Variants in PIBF1 observed in about 807,000 individuals in gnomAD.
The protein encoded by PIBF1 is progesterone immunomodulatory binding factor 1.
PIBF1 carries 90 observed loss-of-function variants against 112.5 expected under a neutral mutation model. The ratio of observed to expected loss-of-function variants is 0.80; its 90% CI spans 0.67 to 0.95. PIBF1 has a LOEUF of 0.95. Among genes scored for constraint, PIBF1 ranks in the 40% least tolerant of loss-of-function variants. PIBF1 has a pLI of 0.00. For missense variants in PIBF1, 915 were observed against 852.3 expected (o/e 1.07, Z -0.92); for synonymous variants, 301 against 288.6 (o/e 1.04, Z -0.44).
At chr13:72,851,805 G>A (rs2038171250) in intron 9 of PIBF1, among the ~76,000 whole-genome samples, 1 of 152,192 alleles carries the variant, frequency 6.6e-6, no homozygotes, top group African/African-American at 2.4e-5. Context: ...CCCAGACTCT[G>A]GCAGACCTCT....
chr13:72,843,706 C>T lies in PIBF1; in HGVS notation c.1223+8338C>T, dbSNP rs375660166. ...GGGTTACAGGCATGAGCCACCGCGC[C>T]TGGCCTAATTTCTGATCTTTTACAG... On this transcript the variant is annotated intron_variant, in intron 9 of 17. Transcript: ENST00000326291. Among the ~76,000 whole-genome samples, 364 of 152,306 alleles carry T rather than the reference C, an allele frequency of 2.4e-3. 1 individual carries two copies. The highest frequency in any genetic ancestry group is 8.2e-3 in the African/African-American group (340 of 41,570).
At chr13:72,955,132 T>A (rs564173508) in intron 14 of PIBF1, among the ~76,000 whole-genome samples, 1 of 152,382 alleles carries the variant, frequency 6.6e-6, no homozygotes, top group Non-Finnish European at 1.5e-5. Context: ...ATTTTAATTA[T>A]GTTGGACATA....
intron 14 of PIBF1, among the ~76,000 whole-genome samples, chr13:72,960,204 A>T (rs2042568189): frequency 6.6e-6 from 1 of 152,166 alleles, no homozygotes; most frequent in Admixed American, 6.6e-5. Context: ...TTTATGTTAA[A>T]GATACCTTTT....
rs565304138 is a variant in PIBF1 at position 72,971,118 on chromosome 13, C to T, written c.1965-2473C>T. Among the ~76,000 whole-genome samples, 5 of 151,924 alleles carry T rather than the reference C, an allele frequency of 3.3e-5. No homozygotes were observed. In the East Asian group the frequency reaches 5.8e-4, roughly 18 times the overall value. Reference sequence around the variant, plus strand: ...TCCAGTCAAAATCCTTTAATTACCTCGACATTCCATTCCGATTACACTACA... The same window carrying T: ...TCCAGTCAAAATCCTTTAATTACCTTGACATTCCATTCCGATTACACTACA... On this transcript the variant is annotated intron_variant, in intron 15 of 17. Transcript: ENST00000326291.
At chr13:72,919,394 G>T (rs1218088494) in intron 13 of PIBF1, among the ~76,000 whole-genome samples, 3 of 152,166 alleles carry the variant, frequency 2.0e-5, no homozygotes, top group Non-Finnish European at 2.9e-5. Context: ...ATTCTGTCTG[G>T]TGAGGATTCA....
chr13:72,986,708 G>C lies in PIBF1; in HGVS notation c.2050-12114G>C, dbSNP rs935015583. Reference sequence around the variant, plus strand: ...TTTTTTTTTTTTTTTTTTTGAGACAGAGTCTCGCTCTGTCGCCCAGGCCGG... The same window carrying C: ...TTTTTTTTTTTTTTTTTTTGAGACACAGTCTCGCTCTGTCGCCCAGGCCGG... On this transcript the variant is annotated intron_variant, in intron 16 of 17. Transcript: ENST00000326291. Among the ~76,000 whole-genome samples the C allele has an allele frequency of 1.3e-3, 150 of 117,876 alleles. 1 individual carries two copies. Among genetic ancestry groups the C allele is most frequent in the Non-Finnish European group, 1.9e-3 (115 of 61,236 alleles). The allele number at this position is 117,876 out of a possible 152,430, so 77.3% of individuals were successfully genotyped here.
At chr13:72,826,424 T>C (rs1423252465) in intron 6 of PIBF1, among the ~76,000 whole-genome samples, 2 of 152,208 alleles carry the variant, frequency 1.3e-5, no homozygotes, top group South Asian at 2.1e-4. Flanking sequence ...TGCAGGGAAG[T>C]AGTTAAGAGT....
intron 10 of PIBF1, among the ~76,000 whole-genome samples, chr13:72,855,774 C>T (rs1011587467): frequency 2.0e-5 from 3 of 152,074 alleles, no homozygotes; most frequent in African/African-American, 4.8e-5. Context: ...TTACGTGTAA[C>T]GCTTCCACTT....
intron 10 of PIBF1, among the ~76,000 whole-genome samples, chr13:72,871,037 A>G (rs1288252642): frequency 2.6e-5 from 4 of 152,106 alleles, no homozygotes; most frequent in Non-Finnish European, 5.9e-5. Flanking sequence ...TGGTAATTCA[A>G]GATGCCCTGA....
At chr13:72,938,381 C>T (rs568513670) in intron 14 of PIBF1, among the ~76,000 whole-genome samples, 2 of 152,042 alleles carry the variant, frequency 1.3e-5, no homozygotes, top group Non-Finnish European at 2.9e-5. Flanking sequence ...CTCAGTCCCC[C>T]ACAAGCAATA....
Position 72,998,919 on chromosome 13 carries a change from A to G in PIBF1, c.2147A>G (p.Glu716Gly). ...AAAACAGAACCAAAACATGTGACAG[A>G]AAATCAGAAATCAAAGACTTTGAAT... is the stretch of plus-strand genomic sequence containing the variant. ...LTKTEPKHVT[E>G]NQKSKTLNVP... is the part of the protein sequence containing the mutation. The change falls in exon 17 of 18, where the codon GAA (glutamate) becomes GGA (glycine). Residue 716 changes from glutamate (E) to glycine (G), a missense_variant. Coordinates refer to ENST00000326291, the MANE Select transcript of PIBF1 (RefSeq NM_006346.4). 1 of 1,612,432 alleles carries G rather than the reference A, an allele frequency of 6.2e-7. No individual in the cohort carries two copies. Among genetic ancestry groups the G allele is most frequent in the Non-Finnish European group, 8.5e-7 (1 of 1,178,742 alleles).
rs1293091700 is a variant in PIBF1, at chr13:72,908,592, A to G, written c.1550A>G (p.Gln517Arg). Residue 517 changes from glutamine (Q) to arginine (R), a missense_variant, in exon 12 of 18, where the codon CAA becomes CGA. Physicochemically the swap from Gln to Arg is conservative, Grantham distance 43 (BLOSUM62 1). Coordinates refer to ENST00000326291, the MANE Select transcript of PIBF1 (RefSeq NM_006346.4). ...ASSEKRITEL[Q>R]AQNSEHQARL... ...TCTGAAAAACGCATTACTGAACTTC[A>G]AGCACAGAACTCAGAGCATCAAGCA... is the stretch of plus-strand genomic sequence containing the variant. The G allele has an allele frequency of 1.2e-6, 2 of 1,613,084 alleles. No homozygotes were observed.
intron 15 of PIBF1, among the ~76,000 whole-genome samples, chr13:72,970,876 T>C (rs944287505): frequency 1.3e-5 from 2 of 152,118 alleles, no homozygotes; most frequent in Non-Finnish European, 2.9e-5. Context: ...AGACAAAATA[T>C]ATGCCCAGAT....
At chr13:72,801,608 A>G (rs1337665852) in intron 5 of PIBF1, among the ~76,000 whole-genome samples, 1 of 152,144 alleles carries the variant, frequency 6.6e-6, no homozygotes. Flanking sequence ...TACTACTGTA[A>G]TAATTTCTTA....
chr13:72,895,552 A>C (rs1258298076), intron 11 of PIBF1, among the ~76,000 whole-genome samples: 1 of 152,036 alleles, frequency 6.6e-6, no homozygotes, highest in Non-Finnish European at 1.5e-5. Flanking sequence ...CTCACTGATA[A>C]GTACCAAAAT....
chr13:72,836,565 T>C (rs2037370802), intron 9 of PIBF1, among the ~76,000 whole-genome samples: 1 of 152,188 alleles, frequency 6.6e-6, no homozygotes, highest in South Asian at 2.1e-4. Context: ...TATCCTTTGG[T>C]AGTAAATTAA....
At chr13:73,001,751 G>A (rs1463524284) in intron 17 of PIBF1, among the ~76,000 whole-genome samples, 2 of 151,536 alleles carry the variant, frequency 1.3e-5, no homozygotes, top group Non-Finnish European at 2.9e-5. Context: ...ATCCTCCTGA[G>A]TAGCTGGGAT....
chr13:72,786,955 A>G (rs1400400628), intron 2 of PIBF1, among the ~76,000 whole-genome samples: 1 of 152,210 alleles, frequency 6.6e-6, no homozygotes, highest in East Asian at 1.9e-4. Context: ...AAACACTTCC[A>G]GTTGAATTGT....
intron 16 of PIBF1, among the ~76,000 whole-genome samples, chr13:72,981,503 A>G (rs1009572930): frequency 1.3e-5 from 2 of 152,136 alleles, no homozygotes; most frequent in African/African-American, 4.8e-5. Flanking sequence ...AGAAAAAAGA[A>G]TTATGTGAAA....
Sources: gnomAD v4.1 joint callset for allele counts (sites outside exome capture counted in the v4.1 genomes callset) on GRCh38, gnomAD v4.1.1 for gene constraint, MANE v1.5 for transcripts, NCBI Gene and HGNC (gene_info 2026-07-23, HGNC 2026-07-21) for gene names.